ATXN7L1: variants seen among roughly 807,000 people sequenced by gnomAD.
ATXN7L1 encodes ataxin 7 like 1.
In ATXN7L1, 15 loss-of-function variants were observed where a neutral mutation model predicts 70.8. The observed-to-expected ratio is 0.21, with a 90% CI of 0.14 to 0.33. The LOEUF (loss-of-function observed/expected upper bound fraction) is 0.33, where lower values mean the gene tolerates loss of function less well. ATXN7L1 is among the 10% of genes least tolerant of loss of function. The pLI is 1.00. For synonymous variants in ATXN7L1, 440 were observed against 445.1 expected, an observed-to-expected ratio of 0.99 and a Z score of 0.14; for missense variants, 975 against 1,097.1, an observed-to-expected ratio of 0.89 and a Z score of 1.57.
chr7:105,672,247 C>T (rs1803856097), intron 3 of ATXN7L1, among the ~76,000 whole-genome samples: 1 of 152,188 alleles, frequency 6.6e-6, no homozygotes, highest in African/African-American at 2.4e-5. Flanking sequence ...GATCATGCCA[C>T]TGCACTCCAG....
Position 105,614,218 on chromosome 7 carries a change from C to G in ATXN7L1, c.2116G>C (p.Gly706Arg). Residue 706 changes from glycine (G) to arginine (R), a missense_variant, in exon 10 of 12, where the codon GGG (glycine) becomes CGG (arginine). By Grantham distance (125) the Gly-to-Arg change is moderately radical. Coordinates refer to ENST00000419735, the MANE Select transcript of ATXN7L1 (RefSeq NM_020725.2). The surrounding 1 kb of genome is among the most constrained non-coding windows in gnomAD (Gnocchi z 4.3). ...NSLSVHNSNN[G>R]VSPLSAKLEP... Reference sequence around the variant, plus strand: ...AGTTTGGCACTGAGTGGGCTCACCCCATTGTTTGAGTTGTGCACAGACAGG... The same window carrying G: ...AGTTTGGCACTGAGTGGGCTCACCCGATTGTTTGAGTTGTGCACAGACAGG... 1 of 1,551,738 alleles carries G rather than the reference C, an allele frequency of 6.4e-7. No individual in the cohort carries two copies. The highest frequency in any genetic ancestry group is 8.7e-7 in the Non-Finnish European group (1 of 1,147,006).
chr7:105,635,858 T>C (rs80208653), intron 7 of ATXN7L1, among the ~76,000 whole-genome samples: 1 of 152,146 alleles, frequency 6.6e-6, no homozygotes, highest in Non-Finnish European at 1.5e-5. Flanking sequence ...TTTTTTTTTT[T>C]TGCCAAGTAC....
intron 2 of ATXN7L1, among the ~76,000 whole-genome samples, chr7:105,820,527 G>C (rs955083234): frequency 5.3e-5 from 8 of 152,140 alleles, no homozygotes; most frequent in Admixed American, 5.2e-4. Flanking sequence ...AACAAAGCTC[G>C]GCCATGTAGC....
rs2116694019 is a variant in ATXN7L1, at chr7:105,876,585, TC to T, written c.-28del. 7.6e-7 allele frequency: 1 copy of T among 1,311,526 alleles called. No individual in the cohort carries two copies. The highest frequency in any genetic ancestry group is 5.1e-5 in the East Asian group (1 of 19,704). The allele number at this position is 1,311,526 out of a possible 1,614,324, so 81.2% of individuals were successfully genotyped here. ...TTCGGAACGTTCCGACATTGAGTGT[TC>T]TGAAAGGGGGAGGGAGGGAGGAAGG... On this transcript the variant is annotated 5_prime_UTR_variant, in exon 1 of 12. Transcript: ENST00000419735.
chr7:105,682,233 A>G (rs1198944982), intron 3 of ATXN7L1, among the ~76,000 whole-genome samples: 15 of 152,068 alleles, frequency 9.9e-5, no homozygotes. Flanking sequence ...CAAAACAAAA[A>G]ACAAAAAACA....
chr7:105,662,232 A>G (rs1249509528), intron 4 of ATXN7L1, among the ~76,000 whole-genome samples: 1 of 151,616 alleles, frequency 6.6e-6, no homozygotes, highest in East Asian at 1.9e-4. Context: ...CCTCCTGAGT[A>G]GCTGGGATTA....
intron 7 of ATXN7L1, among the ~76,000 whole-genome samples, chr7:105,637,497 A>T (rs749470907): frequency 2.3e-4 from 35 of 152,090 alleles, no homozygotes; most frequent in Non-Finnish European, 3.8e-4. Flanking sequence ...TAAACTCTAA[A>T]TTCCTGAAAA....
At chr7:105,689,159 T>C (rs1211316532) in intron 3 of ATXN7L1, among the ~76,000 whole-genome samples, 1 of 152,122 alleles carries the variant, frequency 6.6e-6, no homozygotes, top group African/African-American at 2.4e-5. Flanking sequence ...ACCACTCCCC[T>C]GGGGCCAAGA....
intron 3 of ATXN7L1, among the ~76,000 whole-genome samples, chr7:105,669,333 G>T (rs778324226): frequency 2.0e-5 from 3 of 151,910 alleles, no homozygotes; most frequent in Non-Finnish European, 2.9e-5. Flanking sequence ...CCGCCTGCTG[G>T]GATTACAGGT....
intron 3 of ATXN7L1, among the ~76,000 whole-genome samples, chr7:105,769,321 C>T (rs1801679077): frequency 6.6e-6 from 1 of 152,046 alleles, no homozygotes; most frequent in Non-Finnish European, 1.5e-5. Flanking sequence ...GAAGCGTGAC[C>T]ATGGAAGCGT....
At chr7:105,669,143 C>T (rs199899536) in intron 3 of ATXN7L1, among the ~76,000 whole-genome samples, 4 of 152,244 alleles carry the variant, frequency 2.6e-5, no homozygotes, top group South Asian at 2.1e-4. Context: ...AGTCCAGCGG[C>T]GTGATCTTGG....
At chr7:105,854,543 A>C (rs1339021850) in intron 2 of ATXN7L1, among the ~76,000 whole-genome samples, 45 of 128,330 alleles carry the variant, frequency 3.5e-4, no homozygotes, top group Admixed American at 7.0e-4. Flanking sequence ...AAAAAAAAAA[A>C]CACAAAACAC....
At chr7:105,676,821 C>G (rs149953165) in intron 3 of ATXN7L1, among the ~76,000 whole-genome samples, 165 of 152,242 alleles carry the variant, frequency 1.1e-3, no homozygotes, top group African/African-American at 3.8e-3. Flanking sequence ...GCCTGAGAGA[C>G]AGAGTGAGAC....
intron 3 of ATXN7L1, among the ~76,000 whole-genome samples, chr7:105,678,886 C>T (rs545007316): frequency 8.5e-5 from 13 of 152,354 alleles, no homozygotes; most frequent in African/African-American, 3.1e-4. Context: ...CCTGTCTCGG[C>T]TCCAGCTCCA....
intron 3 of ATXN7L1, among the ~76,000 whole-genome samples, chr7:105,713,459 T>G (rs1026441908): frequency 6.6e-6 from 1 of 152,086 alleles, no homozygotes; most frequent in African/African-American, 2.4e-5. Flanking sequence ...GTGGGTGGAG[T>G]GGCCCAGGCT....
At chr7:105,680,611 G>A (rs1341351915) in intron 3 of ATXN7L1, among the ~76,000 whole-genome samples, 1 of 152,230 alleles carries the variant, frequency 6.6e-6, no homozygotes, top group Non-Finnish European at 1.5e-5. Flanking sequence ...AGCTTTGGCT[G>A]GAGATTGTCT....
chr7:105,698,723 G>C (rs1351690316), intron 3 of ATXN7L1, among the ~76,000 whole-genome samples: 2 of 152,166 alleles, frequency 1.3e-5, no homozygotes, highest in African/African-American at 4.8e-5. Context: ...CTGCATTACA[G>C]TTTGAAAGAT....
intron 3 of ATXN7L1, among the ~76,000 whole-genome samples, chr7:105,740,786 A>ATTTTTTTTTTTTTTTTTTTTTTT (rs1481143764): frequency 2.5e-5 from 1 of 40,686 alleles, no homozygotes. Context: ...TTTTTTTTTA[A>ATTTTTTTTTTTTTTTTTTTTTTT]TGGAGTCTCA....
At chr7:105,747,242 G>A (rs1382312273) in intron 3 of ATXN7L1, among the ~76,000 whole-genome samples, 7 of 152,234 alleles carry the variant, frequency 4.6e-5, no homozygotes, top group African/African-American at 1.2e-4. Flanking sequence ...TGGGAGGGGA[G>A]AGAGGCTGAG....
Sources: allele counts gnomAD v4.1 joint callset (sites outside exome capture counted in the v4.1 genomes callset), GRCh38; gene constraint gnomAD v4.1.1; non-coding constraint Gnocchi (gnomAD v3.1); transcripts MANE v1.5; gene names NCBI Gene and HGNC (gene_info 2026-07-23, HGNC 2026-07-21).